The following PRRC2A variants were observed in gnomAD, a reference collection of about 807,000 sequenced individuals.
PRRC2A encodes the protein protein PRRC2A.
Under a neutral mutation model 224.6 loss-of-function variants are expected in PRRC2A, and 59 were observed. The ratio of observed to expected loss-of-function variants is 0.26; its 90% CI spans 0.21 to 0.33. The LOEUF is 0.33. Ranked by LOEUF, PRRC2A falls within the 10% of genes least tolerant of loss-of-function variation. The probability of loss-of-function intolerance (pLI) is 1.00; values close to 1 mark genes in which losing one functional copy is unlikely to be tolerated. For synonymous variants in PRRC2A, 1,194 were observed against 1,109.5 expected (o/e 1.08, Z -1.51); for missense variants, 3,095 against 2,880.7 (o/e 1.07, Z -1.70).
In PRRC2A at chr6:31,635,648, A is replaced by G. The variant is rs559514245; in HGVS notation, c.5440A>G (p.Lys1814Glu). ...SAAASAEPQS[K>E]NLDSGHCVPE... is the part of the protein sequence containing the mutation. ...TGCTGCCTCTGCTGAGCCACAATCC[A>G]AGAACCTGGATTCTGGGCACTGTGT... Residue 1814 changes from lysine to glutamate, a missense_variant, in exon 24 of 31, where the codon AAG becomes GAG. Around this residue, in one of 8 missense-constraint regions of PRRC2A, gnomAD observed 662 missense variants for 609.5 expected, o/e 1.09. Coordinates refer to ENST00000376033, the MANE Select transcript of PRRC2A (RefSeq NM_004638.4). 1.2e-6 allele frequency: 2 copies of G among 1,612,888 alleles called. No homozygotes were observed. The highest frequency in any genetic ancestry group is 2.2e-5 in the East Asian group (1 of 44,868).
Position 31,637,723 on chromosome 6 carries a change from C to T in PRRC2A, c.*137C>T. On this transcript the variant is annotated 3_prime_UTR_variant, in exon 31 of 31. Coordinates refer to ENST00000376033, the MANE Select transcript of PRRC2A (RefSeq NM_004638.4). ...TCCCCCTTCCCCTGGTCCCCTGTCC[C>T]TGGGGCTGTTTGTTAAAAAAGAGTA... 1 of 488,500 alleles carries T rather than the reference C, an allele frequency of 2.0e-6. No homozygotes were observed. Among genetic ancestry groups the T allele is most frequent in the Non-Finnish European group, 3.5e-6 (1 of 288,464 alleles). 30.3% of individuals were successfully genotyped at this position (488,500 alleles called of 1,614,324 possible). A position where few individuals can be genotyped will look rare whatever the true frequency, so the allele number is the denominator to read the frequency against.
At position 31,633,952 on chromosome 6, in the gene PRRC2A, G is replaced by A. The variant is rs1052852887; in HGVS notation, c.4682G>A (p.Arg1561Gln). ...GTTAGTCCCTTTCCCCCTAAACGTC[G>A]GGAGCGGCCTCCCAGAAAACCAGAG... ...AGVSPFPPKR[R>Q]ERPPRKPELL... The change falls in exon 18 of 31, where the codon CGG becomes CAG. Residue 1561 changes from arginine (R) to glutamine (Q), a missense_variant. Around this residue, in one of 8 missense-constraint regions of PRRC2A, gnomAD observed 2,001 missense variants for 1,764.9 expected, o/e 1.13. Transcript: ENST00000376033. 54 of 1,602,072 alleles carry A rather than the reference G, an allele frequency of 3.4e-5. No individual in the cohort carries two copies. Among genetic ancestry groups the A allele is most frequent in the Admixed American group, 7.2e-5 (4 of 55,708 alleles).
chr6:31,627,174 CT>C lies in PRRC2A; in HGVS notation c.1267del (p.Trp423GlyfsTer148). Reference protein sequence around the residue: ...PPPHRGPAGNWGPPGDYPDRG... With the variant: ...PPPHRGPAGNXGPPGDYPDRG... Reference sequence around the variant, plus strand: ...CACCTCACCGGGGCCCCGCCGGGAACTGGGGCCCCCCTGGGGACTACCCAGT... The same window carrying C: ...CACCTCACCGGGGCCCCGCCGGGAACGGGGCCCCCCTGGGGACTACCCAGT... On this transcript the variant is annotated frameshift_variant, in exon 11 of 31. Coordinates refer to ENST00000376033, the MANE Select transcript of PRRC2A (RefSeq NM_004638.4). LOFTEE classifies it high-confidence loss of function. The surrounding 1 kb of genome is among the most constrained non-coding windows in gnomAD (Gnocchi z 5.6). The C allele has an allele frequency of 6.2e-7, 1 of 1,611,878 alleles. No individual in the cohort carries two copies. The highest frequency in any genetic ancestry group is 8.5e-7 in the Non-Finnish European group (1 of 1,178,692).
intron 24 of PRRC2A, 44 bp downstream of exon 24, chr6:31,635,793 A>AT: frequency 1.3e-6 from 2 of 1,535,722 alleles, no homozygotes; most frequent in Non-Finnish European, 1.8e-6. Flanking sequence ...GTGAATAATA[A>AT]TTTTTTTCTG....
rs373808174 is a variant in PRRC2A, at chr6:31,636,868, C to T, written c.6070C>T (p.Arg2024Trp). The part of the protein sequence containing the change: ...PALQPPSLAV[R>W]PPPAPATRVL... Reference sequence around the variant, plus strand: ...TCTGCAGCCCCCCAGCCTGGCTGTGCGGCCCCCACCTGCTCCTGCTACTCG... The same window carrying T: ...TCTGCAGCCCCCCAGCCTGGCTGTGTGGCCCCCACCTGCTCCTGCTACTCG... Residue 2024 changes from arginine to tryptophan, a missense_variant, in exon 28 of 31, where the codon CGG becomes TGG. By Grantham distance (101) the Arg-to-Trp change is moderately radical. Coordinates refer to ENST00000376033, the MANE Select transcript of PRRC2A (RefSeq NM_004638.4). The surrounding 1 kb of genome is among the most constrained non-coding windows in gnomAD (Gnocchi z 4.3). The T allele has an allele frequency of 5.0e-6, 8 of 1,612,688 alleles. No individual in the cohort carries two copies. The highest frequency in any genetic ancestry group is 1.3e-5 in the African/African-American group (1 of 74,914).
In PRRC2A at chr6:31,620,755, G is replaced by A. The variant is rs2150482215; in HGVS notation, c.-204G>A. On this transcript the variant is annotated 5_prime_UTR_variant, in exon 1 of 31. Coordinates refer to ENST00000376033, the MANE Select transcript of PRRC2A (RefSeq NM_004638.4). ...GCGGAGTGAGCGAGGGAGACGGGAG[G>A]AGCCGAACCCGGCGCCATCCGCCGC... The A allele has an allele frequency of 6.6e-6, 1 of 152,232 alleles. No homozygotes were observed. The highest frequency in any genetic ancestry group is 2.1e-4 in the South Asian group (1 of 4,850). 9.4% of individuals were successfully genotyped at this position (152,232 alleles called of 1,614,324 possible).
In PRRC2A at chr6:31,626,223, A is replaced by G. The variant is rs1182292291; in HGVS notation, c.982+61A>G. ...GAAAGGCAAAACCTAATGAGGAAAA[A>G]AAAATACAGGGTTATGTGGGTGAAA... is the stretch of plus-strand genomic sequence containing the variant. On this transcript the variant is annotated intron_variant, in intron 9 of 30. Coordinates refer to ENST00000376033, the MANE Select transcript of PRRC2A (RefSeq NM_004638.4). The G allele has an allele frequency of 6.5e-6, 10 of 1,549,234 alleles. No individual in the cohort carries two copies. The East Asian group carries it at 9.0e-5, about 14-fold the overall frequency.
Position 31,631,793 on chromosome 6 carries a change from G to A in PRRC2A, c.3120G>A (p.Gly1040=), listed in dbSNP as rs767212334. ...EYFARGRGFR[G]TYGGRGRGAR... is the part of the protein sequence containing the mutation. ...TTGCCAGAGGGAGGGGTTTTCGGGG[G>A]ACCTATGGGGGACGAGGGCGGGGAG... is the stretch of plus-strand genomic sequence containing the variant. Residue 1040 remains glycine (G), a synonymous_variant, in exon 16 of 31, where the codon GGG becomes GGA. Coordinates refer to ENST00000376033, the MANE Select transcript of PRRC2A (RefSeq NM_004638.4). This position sits in a 1 kb window ranked among gnomAD's most constrained non-coding sequence, Gnocchi z 4.5. 1.9e-6 allele frequency: 3 copies of A among 1,566,534 alleles called. No individual in the cohort carries two copies. Among genetic ancestry groups the A allele is most frequent in the Non-Finnish European group, 1.7e-6 (2 of 1,154,950 alleles).
chr6:31,636,468 G>A lies in PRRC2A; in HGVS notation c.5836-42G>A. On this transcript the variant is annotated intron_variant, in intron 26 of 30. Transcript: ENST00000376033. The surrounding 1 kb of genome is among the most constrained non-coding windows in gnomAD (Gnocchi z 4.3). ...TATTGGGGGATAGGGTAGGGAGAATGATTTTGTGGGGGTTGATATATTTCT... is the reference window on the plus strand; with the variant it reads ...TATTGGGGGATAGGGTAGGGAGAATAATTTTGTGGGGGTTGATATATTTCT... 6.2e-7 allele frequency: 1 copy of A among 1,609,548 alleles called. No individual in the cohort carries two copies. The highest frequency in any genetic ancestry group is 8.5e-7 in the Non-Finnish European group (1 of 1,177,202).
At position 31,637,327 on chromosome 6, in the gene PRRC2A, G is replaced by A; in HGVS notation, c.6333+3G>A. On this transcript the variant is annotated splice_donor_region_variant and intron_variant, in intron 30 of 30. Transcript: ENST00000376033. ...AGCGCGTCGACCTTTACCAGCAGGT[G>A]AAGGAGAAACCCTTGTGGCCCCAAC... 6.2e-7 allele frequency: 1 copy of A among 1,608,976 alleles called. No individual in the cohort carries two copies. The highest frequency in any genetic ancestry group is 2.2e-5 in the East Asian group (1 of 44,858).
intron 30 of PRRC2A, 32 bp from the exon 31 acceptor site, chr6:31,637,414 G>T: frequency 6.2e-7 from 1 of 1,603,396 alleles, no homozygotes; most frequent in African/African-American, 1.3e-5. Flanking sequence ...CTCTCACTGT[G>T]ACTCACTGTT....
At chr6:31,623,694 T>C (rs1293289127) in intron 2 of PRRC2A, 38 bp from the exon 3 acceptor site, 1 of 1,606,164 alleles carries the variant, frequency 6.2e-7, no homozygotes, top group Admixed American at 1.7e-5. Flanking sequence ...ATCTCCCACA[T>C]GAGGCATTTT....
At position 31,631,279 on chromosome 6, in the gene PRRC2A, G is replaced by A. The variant is rs1297660523; in HGVS notation, c.2606G>A (p.Gly869Asp). ...CCCCGTCCACTCCCCTGGCCCCCAG[G>A]CAGTGATGAAGTGGCCAAGATACAA... ...PGPRPLPWPP[G>D]SDEVAKIQTP... The change falls in exon 16 of 31, where the codon GGC becomes GAC. Residue 869 changes from glycine to aspartate, a missense_variant. By Grantham distance (94) the Gly-to-Asp change is moderately conservative. Around this residue, in one of 8 missense-constraint regions of PRRC2A, gnomAD observed 2,001 missense variants for 1,764.9 expected, o/e 1.13. Transcript: ENST00000376033. The surrounding 1 kb of genome is among the most constrained non-coding windows in gnomAD (Gnocchi z 4.5). 6.2e-7 allele frequency: 1 copy of A among 1,612,108 alleles called. No homozygotes were observed. The highest frequency in any genetic ancestry group is 8.5e-7 in the Non-Finnish European group (1 of 1,179,736).
At chr6:31,635,349 C>T in intron 22 of PRRC2A, 45 bp from the exon 23 acceptor site, 5 of 1,613,866 alleles carry the variant, frequency 3.1e-6, no homozygotes, top group Non-Finnish European at 4.2e-6. Context: ...ATAGAGGACA[C>T]ATGTCTGTCA....
At position 31,632,169 on chromosome 6, in the gene PRRC2A, G is replaced by T. The variant is rs1330902831; in HGVS notation, c.3496G>T (p.Val1166Leu). The T allele has an allele frequency of 2.5e-6, 4 of 1,588,046 alleles. No homozygotes were observed. Among genetic ancestry groups the T allele is most frequent in the South Asian group, 2.3e-5 (2 of 87,844 alleles). Residue 1166 changes from valine (V) to leucine (L), a missense_variant, in exon 16 of 31, where the codon GTG (valine) becomes TTG (leucine). Around this residue, in one of 8 missense-constraint regions of PRRC2A, gnomAD observed 2,001 missense variants for 1,764.9 expected, o/e 1.13. Coordinates refer to ENST00000376033, the MANE Select transcript of PRRC2A (RefSeq NM_004638.4). Reference protein sequence around the residue: ...RGGRVFTPRGVPSRRGRGGGR... With the variant: ...RGGRVFTPRGLPSRRGRGGGR... ...TGGGCGAGTCTTCACTCCCAGAGGGGTGCCATCTCGCCGGGGCCGAGGAGG... is the reference window on the plus strand; with the variant it reads ...TGGGCGAGTCTTCACTCCCAGAGGGTTGCCATCTCGCCGGGGCCGAGGAGG...
chr6:31,631,355 G>A lies in PRRC2A; in HGVS notation c.2682G>A (p.Thr894=), dbSNP rs369126036. The change falls in exon 16 of 31, where the codon ACG becomes ACA. Residue 894 remains threonine, a synonymous_variant. Transcript: ENST00000376033. This position sits in a 1 kb window ranked among gnomAD's most constrained non-coding sequence, Gnocchi z 4.5. ...CTAAGGAGGAGACTGCACAGCTGAC[G>A]GGGCCAGAAGCAGGCCGAAAGCCTG... ...EPPKEETAQL[T]GPEAGRKPAR... 62 of 1,601,968 alleles carry A rather than the reference G, an allele frequency of 3.9e-5. No homozygotes were observed. The highest frequency in any genetic ancestry group is 4.6e-5 in the Non-Finnish European group (54 of 1,175,670).
chr6:31,631,516 G>T lies in PRRC2A; in HGVS notation c.2843G>T (p.Arg948Leu), dbSNP rs562825218. 6.4e-5 allele frequency: 103 copies of T among 1,599,256 alleles called. No homozygotes were observed. In the South Asian group the frequency reaches 6.8e-4, roughly 11 times the overall value. ...GAGGAGCCAGGGGCCCCACCCCGCC[G>T]GGCTGGGCCTATAAAGAAACCTCCA... Reference protein sequence around the residue: ...PPEEPGAPPRRAGPIKKPPPP... With the variant: ...PPEEPGAPPRLAGPIKKPPPP... The change falls in exon 16 of 31, where the codon CGG (arginine) becomes CTG (leucine). Residue 948 changes from arginine to leucine, a missense_variant. Around this residue, in one of 8 missense-constraint regions of PRRC2A, gnomAD observed 2,001 missense variants for 1,764.9 expected, o/e 1.13. Coordinates refer to ENST00000376033, the MANE Select transcript of PRRC2A (RefSeq NM_004638.4). This position sits in a 1 kb window ranked among gnomAD's most constrained non-coding sequence, Gnocchi z 4.5.
At chr6:31,623,613 A>G in intron 2 of PRRC2A, 119 bp from the exon 3 acceptor site, 1 of 1,152,152 alleles carries the variant, frequency 8.7e-7, no homozygotes, top group East Asian at 2.5e-5. Context: ...CCCTTCTAAG[A>G]GAAGTTTGGA....
chr6:31,633,629 A>G lies in PRRC2A; in HGVS notation c.4570A>G (p.Asn1524Asp). The change falls in exon 17 of 31, where the codon AAC becomes GAC. Residue 1524 changes from asparagine (N) to aspartate (D), a missense_variant. Asn to Asp is a conservative substitution (Grantham distance 23, BLOSUM62 1). Transcript: ENST00000376033. ...AACCCGATACGAGCCCCAGAGGGTC[A>G]ACAGCGGCCTCAGTTCTGGTAAGCT... The part of the protein sequence containing the change: ...PPTRYEPQRV[N>D]SGLSSDPHFE... 6.2e-7 allele frequency: 1 copy of G among 1,611,330 alleles called. No homozygotes were observed. The highest frequency in any genetic ancestry group is 8.5e-7 in the Non-Finnish European group (1 of 1,178,964).
Sources: allele counts gnomAD v4.1 joint callset, GRCh38; gene constraint gnomAD v4.1.1; regional missense constraint gnomAD v4.1.1; non-coding constraint Gnocchi (gnomAD v3.1); transcripts MANE v1.5; gene names NCBI Gene and HGNC (gene_info 2026-07-23, HGNC 2026-07-21).